PARD3B: variants seen among roughly 807,000 people sequenced by gnomAD.
PARD3B encodes the protein par-3 family cell polarity regulator beta.
A neutral mutation model predicts 130.2 loss-of-function variants in PARD3B; 103 were observed. That is an observed-to-expected ratio of 0.79 (90% CI 0.67 to 0.93). The LOEUF (loss-of-function observed/expected upper bound fraction) is 0.93. Ranked by LOEUF, PARD3B falls within the 40% of genes least tolerant of loss-of-function variation. The pLI is 0.00. For missense variants in PARD3B, 1,609 were observed against 1,499.2 expected (o/e 1.07, Z -1.21); for synonymous variants, 583 against 553.2 (o/e 1.05, Z -0.76).
At chr2:205,090,436 G>A (rs977576122) in intron 4 of PARD3B, among the ~76,000 whole-genome samples, 26 of 152,264 alleles carry the variant, frequency 1.7e-4, no homozygotes, top group African/African-American at 5.3e-4. Context: ...CATATTAAAA[G>A]TACAGTTCAG....
Position 205,473,738 on chromosome 2 carries a change from A to C in PARD3B, c.3045-26158A>C, listed in dbSNP as rs1373112221. On this transcript the variant is annotated intron_variant, in intron 20 of 22. Coordinates refer to ENST00000406610, the MANE Select transcript of PARD3B (RefSeq NM_001302769.2). This position sits in a 1 kb window ranked among gnomAD's most constrained non-coding sequence, Gnocchi z 4.9. The stretch of plus-strand genomic sequence containing the variant: ...CACACACGTATATAAAACCCTAAAT[A>C]TATATATATATATATATAACCTTAA... Among the ~76,000 whole-genome samples the C allele has an allele frequency of 2.0e-5, 2 of 101,088 alleles. No individual in the cohort carries two copies. The highest frequency in any genetic ancestry group is 3.5e-5 in the Non-Finnish European group (2 of 57,584). 66.3% of individuals were successfully genotyped at this position (101,088 alleles called of 152,430 possible).
chr2:204,952,707 T>G (rs558941127), intron 2 of PARD3B, among the ~76,000 whole-genome samples: 1 of 152,060 alleles, frequency 6.6e-6, no homozygotes, highest in Non-Finnish European at 1.5e-5. Flanking sequence ...AAAAATATTG[T>G]CAATATCACG....
At chr2:205,076,747 G>A (rs1434858919) in intron 4 of PARD3B, among the ~76,000 whole-genome samples, 1 of 151,858 alleles carries the variant, frequency 6.6e-6, no homozygotes, top group Admixed American at 6.6e-5. Context: ...ATCAGAGGTG[G>A]AACCATTTCA....
intron 1 of PARD3B, among the ~76,000 whole-genome samples, chr2:204,604,420 TTA>T (rs989092091): frequency 2.6e-5 from 4 of 152,150 alleles, no homozygotes; most frequent in African/African-American, 9.7e-5. Flanking sequence ...TTTTAAAAAT[TTA>T]TGTTTCCCCT....
intron 3 of PARD3B, among the ~76,000 whole-genome samples, chr2:205,009,659 A>T (rs954805326): frequency 7.7e-6 from 1 of 130,214 alleles, no homozygotes; most frequent in Non-Finnish European, 1.6e-5. Flanking sequence ...CCACAGAGCG[A>T]GACTCCGTCT....
At chr2:204,557,924 G>A (rs907549743) in intron 1 of PARD3B, 1 of 152,166 alleles carries the variant, frequency 6.6e-6, no homozygotes, top group African/African-American at 2.4e-5. Context: ...GCAGTCTCTT[G>A]TGTTTGAATA....
intron 1 of PARD3B, among the ~76,000 whole-genome samples, chr2:204,680,907 T>C (rs1232259161): frequency 3.9e-5 from 6 of 152,154 alleles, no homozygotes; most frequent in Admixed American, 3.9e-4. Context: ...TATGTTCTAA[T>C]CTTTTCGGTT....
intron 18 of PARD3B, among the ~76,000 whole-genome samples, chr2:205,322,159 ATTTGAAAACATAT>A (rs1224362570): frequency 1.3e-5 from 2 of 152,252 alleles, no homozygotes; most frequent in African/African-American, 4.8e-5. Flanking sequence ...ACACCTATTC[ATTTGAAAACATAT>A]TTTGAAAACA....
chr2:204,790,671 A>G lies in PARD3B; in HGVS notation c.222+104389A>G, dbSNP rs140717453. 2.7e-4 allele frequency among the ~76,000 whole-genome samples: 41 copies of G among 152,344 alleles called. 1 individual carries two copies. In the East Asian group the frequency reaches 2.7e-3, roughly 10 times the overall value. ...GCATCCTCTGAAATAGCCAATTACTATAACAGAGAATGAGTTTTTCCTAAA... is the reference window on the plus strand; with the variant it reads ...GCATCCTCTGAAATAGCCAATTACTGTAACAGAGAATGAGTTTTTCCTAAA... On this transcript the variant is annotated intron_variant, in intron 2 of 22. Coordinates refer to ENST00000406610, the MANE Select transcript of PARD3B (RefSeq NM_001302769.2).
Position 205,433,454 on chromosome 2 carries a change from C to T in PARD3B, c.2742-6916C>T, listed in dbSNP as rs997484339. On this transcript the variant is annotated intron_variant, in intron 19 of 22. Coordinates refer to ENST00000406610, the MANE Select transcript of PARD3B (RefSeq NM_001302769.2). ...GGCTGAGGCAGGAGAATCACCTGAACCCGGGCAGTGGAGGTTGCAGTGAGC... is the reference window on the plus strand; with the variant it reads ...GGCTGAGGCAGGAGAATCACCTGAATCCGGGCAGTGGAGGTTGCAGTGAGC... Among the ~76,000 whole-genome samples the T allele has an allele frequency of 7.3e-5, 11 of 150,198 alleles. 1 individual carries two copies. Among genetic ancestry groups the T allele is most frequent in the South Asian group, 4.2e-4 (2 of 4,792 alleles).
chr2:205,314,248 T>C (rs1218215433), intron 18 of PARD3B, among the ~76,000 whole-genome samples: 1 of 152,214 alleles, frequency 6.6e-6, no homozygotes, highest in African/African-American at 2.4e-5. Flanking sequence ...GAGAGATGAA[T>C]GTGGCAAATA....
chr2:204,565,037 G>T (rs2031585864), intron 1 of PARD3B, among the ~76,000 whole-genome samples: 2 of 152,192 alleles, frequency 1.3e-5, no homozygotes, highest in Admixed American at 1.3e-4. Context: ...AGGCTTGACT[G>T]GGAAGAATCT....
chr2:204,550,035 A>T (rs1030358940), intron 1 of PARD3B, among the ~76,000 whole-genome samples: 1 of 152,186 alleles, frequency 6.6e-6, no homozygotes, highest in Non-Finnish European at 1.5e-5. Flanking sequence ...TTCCTATAGA[A>T]GGTGCTCAAA....
chr2:205,009,687 AT>A (rs1427708737), intron 3 of PARD3B, among the ~76,000 whole-genome samples: 2 of 146,418 alleles, frequency 1.4e-5, no homozygotes, highest in Non-Finnish European at 3.0e-5. Flanking sequence ...AAAAAAAAAA[AT>A]AGTGTACACA....
At chr2:205,076,087 C>G (rs1701042638) in intron 4 of PARD3B, among the ~76,000 whole-genome samples, 2 of 152,112 alleles carry the variant, frequency 1.3e-5, no homozygotes, top group Admixed American at 6.5e-5. Flanking sequence ...TTCAGTTTTA[C>G]CTAACTTCAT....
At chr2:204,863,151 A>C (rs552308405) in intron 2 of PARD3B, among the ~76,000 whole-genome samples, 1 of 152,158 alleles carries the variant, frequency 6.6e-6, no homozygotes, top group African/African-American at 2.4e-5. Flanking sequence ...TCCTGTCTCT[A>C]TCAATACCTC....
intron 1 of PARD3B, among the ~76,000 whole-genome samples, chr2:204,567,053 A>T (rs2031720336): frequency 6.6e-6 from 1 of 151,830 alleles, no homozygotes; most frequent in African/African-American, 2.4e-5. Context: ...TAATTTTTGT[A>T]TGTTTAGTAG....
chr2:205,417,929 C>G (rs2106080269), intron 19 of PARD3B, among the ~76,000 whole-genome samples: 1 of 152,306 alleles, frequency 6.6e-6, no homozygotes, highest in South Asian at 2.1e-4. Flanking sequence ...ATGTGTTTTC[C>G]TAATAGGCAG....
At chr2:204,548,063 AT>A (rs560155616) in intron 1 of PARD3B, among the ~76,000 whole-genome samples, 505 of 152,256 alleles carry the variant, frequency 3.3e-3, no homozygotes, top group Non-Finnish European at 5.4e-3. Context: ...GTAGTAGGTG[AT>A]GATTTTTCCC....
Sources: allele counts gnomAD v4.1 joint callset (sites outside exome capture counted in the v4.1 genomes callset), GRCh38; gene constraint gnomAD v4.1.1; non-coding constraint Gnocchi (gnomAD v3.1); transcripts MANE v1.5; gene names NCBI Gene and HGNC (gene_info 2026-07-23, HGNC 2026-07-21).